Variants in KCNIP4 observed in about 807,000 individuals in gnomAD.
The protein encoded by KCNIP4 is potassium voltage-gated channel interacting protein 4, also known as Kv channel-interacting protein 4.
Under a neutral mutation model 34.0 loss-of-function variants are expected in KCNIP4, and 12 were observed. The ratio of observed to expected loss-of-function variants is 0.35; its 90% CI spans 0.23 to 0.57. The LOEUF (loss-of-function observed/expected upper bound fraction) is 0.57. KCNIP4 is among the 20% of genes least tolerant of loss of function. KCNIP4 has a pLI of 0.83. For missense variants in KCNIP4, 238 were observed against 311.7 expected, an observed-to-expected ratio of 0.76 and a Z score of 1.78; for synonymous variants, 124 against 102.2, an observed-to-expected ratio of 1.21 and a Z score of -1.29.
At chr4:21,728,268 T>G (rs990706408) in intron 1 of KCNIP4, among the ~76,000 whole-genome samples, 3 of 152,170 alleles carry the variant, frequency 2.0e-5, no homozygotes, top group Non-Finnish European at 4.4e-5. Flanking sequence ...CCATAAAGTC[T>G]TTCTTATCTC....
intron 1 of KCNIP4, among the ~76,000 whole-genome samples, chr4:21,273,412 C>T (rs569177084): frequency 6.6e-6 from 1 of 152,154 alleles, no homozygotes; most frequent in East Asian, 1.9e-4. Context: ...CCTGTATTAT[C>T]CTATCTCAGT....
intron 1 of KCNIP4, among the ~76,000 whole-genome samples, chr4:21,270,815 C>T (rs1195728480): frequency 2.6e-5 from 4 of 151,826 alleles, no homozygotes; most frequent in Non-Finnish European, 4.4e-5. Flanking sequence ...GGTGAAAACC[C>T]GTCTCTACTA....
At chr4:21,256,522 C>A (rs1761076046) in intron 1 of KCNIP4, among the ~76,000 whole-genome samples, 1 of 151,532 alleles carries the variant, frequency 6.6e-6, no homozygotes, top group Non-Finnish European at 1.5e-5. Flanking sequence ...TTGCTGGAGT[C>A]CAGGAGCTTA....
intron 1 of KCNIP4, among the ~76,000 whole-genome samples, chr4:21,395,470 C>T (rs1452889290): frequency 6.6e-6 from 1 of 152,080 alleles, no homozygotes; most frequent in Non-Finnish European, 1.5e-5. Context: ...ATATAGGCCT[C>T]TAACCTTAGT....
chr4:21,050,190 T>A (rs1216606747), intron 1 of KCNIP4, among the ~76,000 whole-genome samples: 1 of 152,224 alleles, frequency 6.6e-6, no homozygotes, highest in African/African-American at 2.4e-5. Context: ...TTACTATTTT[T>A]AAGCCATTTT....
chr4:21,277,735 A>C lies in KCNIP4; in HGVS notation c.62-395026T>G, dbSNP rs564597796. ...AGACAAAGCAGAATCAATAAAAGAG[A>C]AACACATTTCAAGGAAATAAAGCAA... On this transcript the variant is annotated intron_variant, in intron 1 of 8. Coordinates refer to ENST00000382152, the MANE Select transcript of KCNIP4 (RefSeq NM_025221.6). Among the ~76,000 whole-genome samples the C allele has an allele frequency of 7.2e-5, 11 of 152,340 alleles. No individual in the cohort carries two copies. The East Asian group carries it at 2.1e-3, about 29-fold the overall frequency.
At chr4:21,239,645 C>T (rs1163443014) in intron 1 of KCNIP4, among the ~76,000 whole-genome samples, 1 of 152,190 alleles carries the variant, frequency 6.6e-6, no homozygotes, top group Non-Finnish European at 1.5e-5. Context: ...CACTGACCAT[C>T]AGATAAATGC....
At position 21,234,313 on chromosome 4, in the gene KCNIP4, T is replaced by TATATC. The variant is rs1553841610; in HGVS notation, c.62-351605_62-351604insGATAT. On this transcript the variant is annotated intron_variant, in intron 1 of 8. Transcript: ENST00000382152. ...TATATTATATATAACATATATAACA[T>TATATC]ATATATAACATATATAAATTATATA... 5.2e-4 allele frequency among the ~76,000 whole-genome samples: 36 copies of TATATC among 69,264 alleles called. 9 individuals carry two copies. Among genetic ancestry groups the TATATC allele is most frequent in the African/African-American group, 5.0e-3 (36 of 7,230 alleles). The allele number at this position is 69,264 out of a possible 152,430, so 45.4% of individuals were successfully genotyped here.
chr4:21,549,584 C>T (rs1738399725), intron 1 of KCNIP4, among the ~76,000 whole-genome samples: 1 of 151,966 alleles, frequency 6.6e-6, no homozygotes, highest in Non-Finnish European at 1.5e-5. Context: ...TCCCATACAG[C>T]CTGCAGAACT....
Position 21,260,599 on chromosome 4 carries a change from C to T in KCNIP4, c.62-377890G>A, listed in dbSNP as rs1268542476. Among the ~76,000 whole-genome samples, 4 of 152,140 alleles carry T rather than the reference C, an allele frequency of 2.6e-5. No homozygotes were observed. In the East Asian group the frequency reaches 7.7e-4, roughly 29 times the overall value. On this transcript the variant is annotated intron_variant, in intron 1 of 8. Transcript: ENST00000382152. ...GAACTTTTCTTAATGCCTTCAATTA[C>T]CTGGCTTTAAGACTAGTCACAAACA...
At chr4:21,832,715 T>G (rs1401242370) in intron 1 of KCNIP4, among the ~76,000 whole-genome samples, 1 of 144,944 alleles carries the variant, frequency 6.9e-6, no homozygotes, top group Non-Finnish European at 1.5e-5. Flanking sequence ...GCATTAGGTA[T>G]ATCTCCCAAT....
chr4:21,096,700 A>C (rs1389156294), intron 1 of KCNIP4, among the ~76,000 whole-genome samples: 1 of 152,180 alleles, frequency 6.6e-6, no homozygotes, highest in Non-Finnish European at 1.5e-5. Flanking sequence ...ATATTCATTT[A>C]CAATATATAT....
chr4:21,238,437 A>C (rs1162467893), intron 1 of KCNIP4, among the ~76,000 whole-genome samples: 6 of 152,144 alleles, frequency 3.9e-5, no homozygotes, highest in Non-Finnish European at 8.8e-5. Context: ...AGGAAGTCAA[A>C]TTGTCCCTGT....
chr4:20,862,981 G>A (rs566075757), intron 2 of KCNIP4, among the ~76,000 whole-genome samples: 2 of 152,198 alleles, frequency 1.3e-5, no homozygotes, highest in Admixed American at 1.3e-4. Flanking sequence ...TGTGGAGGGT[G>A]GGAGGAGGAA....
intron 1 of KCNIP4, among the ~76,000 whole-genome samples, chr4:21,529,168 G>A (rs2108972823): frequency 6.6e-6 from 1 of 152,234 alleles, no homozygotes; most frequent in Middle Eastern, 3.4e-3. Flanking sequence ...ATAATAGGCA[G>A]CAGCATGGAT....
chr4:21,132,221 A>G (rs1751122377), intron 1 of KCNIP4, among the ~76,000 whole-genome samples: 1 of 152,232 alleles, frequency 6.6e-6, no homozygotes. Context: ...CCATATAAGA[A>G]CAGCCTGTTT....
At chr4:21,828,121 TA>T (rs1216288882) in intron 1 of KCNIP4, among the ~76,000 whole-genome samples, 1 of 151,052 alleles carries the variant, frequency 6.6e-6, no homozygotes, top group Non-Finnish European at 1.5e-5. Flanking sequence ...GAAAATAAAG[TA>T]AAAATTAAAA....
chr4:21,381,258 A>G (rs1291897332), intron 1 of KCNIP4, among the ~76,000 whole-genome samples: 2 of 152,156 alleles, frequency 1.3e-5, no homozygotes, highest in Admixed American at 1.3e-4. Flanking sequence ...ATTAAGCTTG[A>G]AGCTTTTATT....
chr4:21,340,999 GTGGA>G (rs1716708849), intron 1 of KCNIP4, among the ~76,000 whole-genome samples: 1 of 152,146 alleles, frequency 6.6e-6, no homozygotes, highest in Non-Finnish European at 1.5e-5. Context: ...AATTAGTTTT[GTGGA>G]TGGATGGATG....
Sources: gnomAD v4.1 joint callset for allele counts (sites outside exome capture counted in the v4.1 genomes callset) on GRCh38, gnomAD v4.1.1 for gene constraint, MANE v1.5 for transcripts, NCBI Gene and HGNC (gene_info 2026-07-23, HGNC 2026-07-21) for gene names.